Variants in PTPRG observed in about 807,000 individuals in gnomAD.
PTPRG encodes the protein receptor-type tyrosine-protein phosphatase gamma.
PTPRG carries 102 observed loss-of-function variants against 165.3 expected under a neutral mutation model. That is an observed-to-expected ratio of 0.62 (90% CI 0.53 to 0.73). PTPRG has a LOEUF of 0.73. PTPRG is among the 30% of genes least tolerant of loss of function. The pLI, the probability that PTPRG is intolerant of heterozygous loss-of-function variation, is 0.00. For missense variants in PTPRG, 1,866 were observed against 1,861.4 expected (o/e 1.00, Z -0.05); for synonymous variants, 675 against 669.5 (o/e 1.01, Z -0.13).
At position 61,582,941 on chromosome 3, in the gene PTPRG, G is replaced by C. The variant is rs75536914; in HGVS notation, c.85+20569G>C. On this transcript the variant is annotated intron_variant, in intron 1 of 29. Transcript: ENST00000474889. Reference sequence around the variant, plus strand: ...TACTGATTCAGATCCCAAGTGTTCAGGAGCGATAGAATAATGAGATAAGAT... The same window carrying C: ...TACTGATTCAGATCCCAAGTGTTCACGAGCGATAGAATAATGAGATAAGAT... 8.5e-3 allele frequency among the ~76,000 whole-genome samples: 1,287 copies of C among 152,294 alleles called. 16 individuals carry two copies. Among genetic ancestry groups the C allele is most frequent in the African/African-American group, 0.029 (1,203 of 41,566 alleles).
intron 2 of PTPRG, among the ~76,000 whole-genome samples, chr3:61,930,733 G>A (rs1171194623): frequency 6.6e-6 from 1 of 152,116 alleles, no homozygotes; most frequent in East Asian, 1.9e-4. Flanking sequence ...AGGTAATTAT[G>A]CTGTCGAACC....
intron 1 of PTPRG, among the ~76,000 whole-genome samples, chr3:61,583,026 A>C (rs1409883917): frequency 4.6e-5 from 7 of 152,230 alleles, no homozygotes; most frequent in Non-Finnish European, 1.0e-4. Flanking sequence ...ACACAAAGTG[A>C]ACAGAGGCAA....
intron 2 of PTPRG, among the ~76,000 whole-genome samples, chr3:61,923,692 ATT>A (rs71123241): frequency 2.0e-5 from 2 of 100,872 alleles, no homozygotes; most frequent in Non-Finnish European, 1.9e-5. Flanking sequence ...TATTTTTTGT[ATT>A]TTTTTTTTTT....
At chr3:62,051,456 T>C (rs1700466442) in intron 4 of PTPRG, among the ~76,000 whole-genome samples, 1 of 152,216 alleles carries the variant, frequency 6.6e-6, no homozygotes, top group Non-Finnish European at 1.5e-5. Flanking sequence ...TAAATGTCTT[T>C]ATAAAAGCCA....
chr3:61,763,084 A>G lies in PTPRG; in HGVS notation c.190+14102A>G, dbSNP rs545579417. Among the ~76,000 whole-genome samples the G allele has an allele frequency of 5.3e-5, 8 of 152,290 alleles. No individual in the cohort carries two copies. The South Asian group carries it at 1.5e-3, about 28-fold the overall frequency. On this transcript the variant is annotated intron_variant, in intron 2 of 29. Coordinates refer to ENST00000474889, the MANE Select transcript of PTPRG (RefSeq NM_002841.4). ...AATCAGCCTTCATATTTTGTTGTCC[A>G]GACTTGGATCGTGTTCTCATGCTTA...
chr3:61,752,428 A>G (rs1398112342), intron 2 of PTPRG, among the ~76,000 whole-genome samples: 12 of 152,180 alleles, frequency 7.9e-5, no homozygotes, highest in Non-Finnish European at 2.9e-5. Context: ...TTGAATATCT[A>G]GTAATATTGA....
chr3:61,565,339 T>C (rs1348687523), intron 1 of PTPRG, among the ~76,000 whole-genome samples: 1 of 152,218 alleles, frequency 6.6e-6, no homozygotes, highest in African/African-American at 2.4e-5. Flanking sequence ...ATTACATTGC[T>C]ATATACATCT....
chr3:62,166,095 G>T (rs1181129678), intron 7 of PTPRG, among the ~76,000 whole-genome samples: 1 of 151,596 alleles, frequency 6.6e-6, no homozygotes, highest in Admixed American at 6.6e-5. Flanking sequence ...TTTGGCACCA[G>T]AGGATCCAGA....
At position 62,192,398 on chromosome 3, in the gene PTPRG, T is replaced by G. The variant is rs56898409; in HGVS notation, c.1218+745T>G. On this transcript the variant is annotated intron_variant, in intron 9 of 29. Coordinates refer to ENST00000474889, the MANE Select transcript of PTPRG (RefSeq NM_002841.4). ...GCAAACTCCACAACTACTGTCTTTT[T>G]TTTTTTTTTTTTTTTTTTTTTTTTT... Among the ~76,000 whole-genome samples the G allele has an allele frequency of 8.2e-3, 740 of 89,806 alleles. 11 individuals carry two copies. The highest frequency in any genetic ancestry group is 0.049 in the African/African-American group (624 of 12,812). 58.9% of individuals were successfully genotyped at this position (89,806 alleles called of 152,430 possible).
At position 61,651,210 on chromosome 3, in the gene PTPRG, C is replaced by T. The variant is rs532027236; in HGVS notation, c.85+88838C>T. 1.6e-4 allele frequency among the ~76,000 whole-genome samples: 24 copies of T among 151,746 alleles called. No individual in the cohort carries two copies. In the South Asian group the frequency reaches 4.8e-3, roughly 30 times the overall value. ...GTGTGTTGGCTGTAAGATAAAAATC[C>T]CAAAATACTTAAGAGACCATCTGGT... On this transcript the variant is annotated intron_variant, in intron 1 of 29. Transcript: ENST00000474889.
At chr3:61,576,654 C>T (rs756516268) in intron 1 of PTPRG, among the ~76,000 whole-genome samples, 1 of 152,134 alleles carries the variant, frequency 6.6e-6, no homozygotes, top group Non-Finnish European at 1.5e-5. Context: ...GCAGATTAAC[C>T]AACCTTCGAA....
At chr3:61,847,351 G>A (rs992301304) in intron 2 of PTPRG, among the ~76,000 whole-genome samples, 23 of 152,146 alleles carry the variant, frequency 1.5e-4, no homozygotes, top group African/African-American at 5.6e-4. Flanking sequence ...TTCAAGAGGG[G>A]CATGGAGTAG....
At chr3:61,957,010 T>C (rs1038452854) in intron 2 of PTPRG, among the ~76,000 whole-genome samples, 1 of 152,220 alleles carries the variant, frequency 6.6e-6, no homozygotes, top group African/African-American at 2.4e-5. Context: ...TCCACATTAA[T>C]ATTAACTTGA....
chr3:62,281,551 T>TTTG lies in PTPRG; in HGVS notation c.3766-12_3766-11insTTG, dbSNP rs1553667465. ...GAACTGCAGAGGCTTTTTTTTTTTT[T>TTTG]GGATTCCAAAGGCAGAAGATGAGTT... On this transcript the variant is annotated splice_polypyrimidine_tract_variant and intron_variant, in intron 26 of 29. Coordinates refer to ENST00000474889, the MANE Select transcript of PTPRG (RefSeq NM_002841.4). The TTTG allele has an allele frequency of 2.5e-5, 37 of 1,466,876 alleles. No individual in the cohort carries two copies. In the South Asian group the frequency reaches 4.8e-4, roughly 19 times the overall value. The allele number at this position is 1,466,876 out of a possible 1,614,324, so 90.9% of individuals were successfully genotyped here.
Position 62,293,243 on chromosome 3 carries a change from A to C in PTPRG, c.4274A>C (p.Lys1425Thr), listed in dbSNP as rs1702963029. The C allele has an allele frequency of 6.2e-7, 1 of 1,612,158 alleles. No homozygotes were observed. The highest frequency in any genetic ancestry group is 1.3e-5 in the African/African-American group (1 of 74,806). The stretch of plus-strand genomic sequence containing the variant: ...GGAAATGGTCCCATGACAGTAGACA[A>C]AAATGGTGCTGTTCTTATTGCAGAT... ...ENGNGPMTVD[K>T]NGAVLIADES... is the part of the protein sequence containing the mutation. The change falls in exon 30 of 30, where the codon AAA (lysine) becomes ACA (threonine). Residue 1425 changes from lysine to threonine, a missense_variant. Physicochemically the swap from Lys to Thr is moderately conservative, Grantham distance 78. Transcript: ENST00000474889.
chr3:62,182,908 G>A lies in PTPRG; in HGVS notation c.1034-8561G>A, dbSNP rs553251610. Among the ~76,000 whole-genome samples the A allele has an allele frequency of 1.2e-4, 19 of 152,318 alleles. No individual in the cohort carries two copies. The East Asian group carries it at 3.5e-3, about 28-fold the overall frequency. Reference sequence around the variant, plus strand: ...TTGACCTCGTGATCCACCCGCCTCAGCCTCCCAAAGTGCTGGGATTACAGG... The same window carrying A: ...TTGACCTCGTGATCCACCCGCCTCAACCTCCCAAAGTGCTGGGATTACAGG... On this transcript the variant is annotated intron_variant, in intron 8 of 29. Transcript: ENST00000474889.
At chr3:61,870,865 A>G (rs2037551201) in intron 2 of PTPRG, among the ~76,000 whole-genome samples, 1 of 152,144 alleles carries the variant, frequency 6.6e-6, no homozygotes, top group African/African-American at 2.4e-5. Flanking sequence ...GTCATTTACT[A>G]AAAGCTCAAT....
chr3:62,242,142 C>T (rs905718389), intron 14 of PTPRG, among the ~76,000 whole-genome samples: 1 of 152,190 alleles, frequency 6.6e-6, no homozygotes. Context: ...ATTTCCATTG[C>T]TTTACATTCA....
rs545592674 is a variant in PTPRG at position 62,110,835 on chromosome 3, T to C, written c.616-21767T>C. Among the ~76,000 whole-genome samples, 59 of 152,336 alleles carry C rather than the reference T, an allele frequency of 3.9e-4. 2 individuals are homozygous for C. The South Asian group carries it at 0.011, about 29-fold the overall frequency. On this transcript the variant is annotated intron_variant, in intron 5 of 29. Coordinates refer to ENST00000474889, the MANE Select transcript of PTPRG (RefSeq NM_002841.4). Reference sequence around the variant, plus strand: ...GCGAGGGCTGTAAGTTGGTAGGTTCTCTGTAATCAAGGAAAATAAATAGTT... The same window carrying C: ...GCGAGGGCTGTAAGTTGGTAGGTTCCCTGTAATCAAGGAAAATAAATAGTT...
Sources: gnomAD v4.1 joint callset for allele counts (sites outside exome capture counted in the v4.1 genomes callset) on GRCh38, gnomAD v4.1.1 for gene constraint, MANE v1.5 for transcripts, NCBI Gene and HGNC (gene_info 2026-07-23, HGNC 2026-07-21) for gene names.